Variants in ANO2 observed in about 807,000 individuals in gnomAD.
ANO2 encodes the protein anoctamin 2.
ANO2 carries 101 observed loss-of-function variants against 124.2 expected under a neutral mutation model. That is an observed-to-expected ratio of 0.81 (90% confidence interval 0.69 to 0.96). The LOEUF is 0.96. Ranked by LOEUF, ANO2 falls within the 40% of genes least tolerant of loss-of-function variation. The pLI, the probability that ANO2 is intolerant of heterozygous loss-of-function variation, is 0.00. For missense variants in ANO2, 1,293 were observed against 1,274.5 expected (o/e 1.01, Z -0.22); for synonymous variants, 486 against 482.5 (o/e 1.01, Z -0.09).
intron 20 of ANO2, among the ~76,000 whole-genome samples, chr12:5,594,183 C>G (rs905093709): frequency 1.8e-4 from 27 of 152,198 alleles, no homozygotes; most frequent in Non-Finnish European, 2.9e-5. Flanking sequence ...TCAATATCAA[C>G]TGAATTGTTG....
intron 10 of ANO2, among the ~76,000 whole-genome samples, chr12:5,774,682 C>T (rs1327545601): frequency 6.6e-6 from 1 of 152,164 alleles, no homozygotes; most frequent in Non-Finnish European, 1.5e-5. Context: ...TCTAGGAGAG[C>T]TGCGTCAGGA....
intron 14 of ANO2, among the ~76,000 whole-genome samples, chr12:5,723,108 G>T (rs1950300626): frequency 1.3e-5 from 2 of 152,210 alleles, no homozygotes; most frequent in Middle Eastern, 6.8e-3. Context: ...TTTTTCAAGA[G>T]CCTTTCTTCC....
intron 14 of ANO2, among the ~76,000 whole-genome samples, chr12:5,664,476 T>A (rs1347418581): frequency 1.3e-5 from 2 of 152,240 alleles, no homozygotes; most frequent in Non-Finnish European, 2.9e-5. Context: ...TCTTTACTTA[T>A]CTGATTTCAT....
chr12:5,807,260 G>C lies in ANO2; in HGVS notation c.948+53C>G. 2.7e-6 allele frequency: 4 copies of C among 1,489,592 alleles called. No individual in the cohort carries two copies. In the South Asian group the frequency reaches 3.9e-5, roughly 15 times the overall value. The allele number at this position is 1,489,592 out of a possible 1,614,324, so 92.3% of individuals were successfully genotyped here. ...ATCTCACTGCCACTGAAAAGTTGTGGTTTTCAAAGTTTTGAAGACTACAGA... is the reference window on the plus strand; with the variant it reads ...ATCTCACTGCCACTGAAAAGTTGTGCTTTTCAAAGTTTTGAAGACTACAGA... On this transcript the variant is annotated intron_variant, in intron 8 of 24. Coordinates refer to ENST00000682330, the MANE Select transcript of ANO2 (RefSeq NM_001364791.2).
intron 7 of ANO2, among the ~76,000 whole-genome samples, chr12:5,825,446 T>A (rs1953925742): frequency 6.6e-6 from 1 of 152,176 alleles, no homozygotes; most frequent in Non-Finnish European, 1.5e-5. Flanking sequence ...CCACTCACCA[T>A]CGCCCCTAGT....
intron 14 of ANO2, among the ~76,000 whole-genome samples, chr12:5,669,753 C>T (rs1365159541): frequency 1.3e-5 from 2 of 152,174 alleles, no homozygotes; most frequent in African/African-American, 4.8e-5. Context: ...CATGCACCCT[C>T]AGTACTTGGT....
chr12:5,843,015 T>C lies in ANO2; in HGVS notation c.634-10412A>G, dbSNP rs146448124. Among the ~76,000 whole-genome samples, 36 of 152,276 alleles carry C rather than the reference T, an allele frequency of 2.4e-4. No homozygotes were observed. The East Asian group carries it at 6.8e-3, about 29-fold the overall frequency. On this transcript the variant is annotated intron_variant, in intron 4 of 24. Coordinates refer to ENST00000682330, the MANE Select transcript of ANO2 (RefSeq NM_001364791.2). The stretch of plus-strand genomic sequence containing the variant: ...CTGAAAAGCCCATAAAGGTATTAAA[T>C]ATAAACCCTACCCTCCCAGCTGTCC...
At chr12:5,838,794 T>C (rs1194325836) in intron 4 of ANO2, among the ~76,000 whole-genome samples, 2 of 152,208 alleles carry the variant, frequency 1.3e-5, no homozygotes, top group African/African-American at 4.8e-5. Context: ...AGTTGATTTG[T>C]CTGTCTGCCC....
intron 14 of ANO2, among the ~76,000 whole-genome samples, chr12:5,715,543 C>T (rs951003344): frequency 1.3e-5 from 2 of 152,210 alleles, no homozygotes; most frequent in South Asian, 4.1e-4. Flanking sequence ...CATCTATGCT[C>T]CAGGACATCT....
At chr12:5,854,785 C>T (rs1028039132) in intron 3 of ANO2, among the ~76,000 whole-genome samples, 1 of 152,116 alleles carries the variant, frequency 6.6e-6, no homozygotes, top group Non-Finnish European at 1.5e-5. Flanking sequence ...TCTCTCAAAA[C>T]ATGAAAAATA....
In ANO2 at chr12:5,563,306, T is replaced by G. The variant is rs750090811; in HGVS notation, c.2990A>C (p.Asn997Thr). 1 of 1,598,398 alleles carries G rather than the reference T, an allele frequency of 6.3e-7. No homozygotes were observed. Among genetic ancestry groups the G allele is most frequent in the Non-Finnish European group, 8.5e-7 (1 of 1,176,368 alleles). Reference sequence around the variant, plus strand: ...TGCTGCAGGCTGAACTGCTCACACATTGGTGTGCTGAGAGCCTGACGACAT... The same window carrying G: ...TGCTGCAGGCTGAACTGCTCACACAGTGGTGTGCTGAGAGCCTGACGACAT... The part of the protein sequence containing the change: ...SMMSSGSQHT[N>T]V Residue 997 changes from asparagine (N) to threonine (T), a missense_variant, in exon 25 of 25, where the codon AAT becomes ACT. By Grantham distance (65) the Asn-to-Thr change is moderately conservative. Transcript: ENST00000682330.
At chr12:5,919,785 C>A (rs1195799115) in intron 3 of ANO2, among the ~76,000 whole-genome samples, 2 of 151,922 alleles carry the variant, frequency 1.3e-5, no homozygotes, top group African/African-American at 4.8e-5. Context: ...GCAAGCTCTG[C>A]CTCCCAGGTT....
intron 3 of ANO2, among the ~76,000 whole-genome samples, chr12:5,868,643 A>G (rs1955495014): frequency 6.6e-6 from 1 of 152,056 alleles, no homozygotes; most frequent in South Asian, 2.1e-4. Context: ...TCCTAGAAAA[A>G]GCTGGCTCCT....
intron 3 of ANO2, among the ~76,000 whole-genome samples, chr12:5,889,194 C>T (rs1454233177): frequency 6.6e-6 from 1 of 152,192 alleles, no homozygotes; most frequent in Non-Finnish European, 1.5e-5. Flanking sequence ...GGCCCCCAAG[C>T]GCCACGCGCA....
rs568017484 is a variant in ANO2, at chr12:5,693,366, C to G, written c.1545+39154G>C. The stretch of plus-strand genomic sequence containing the variant: ...TCATGCCTCACACTCACTCCATGAA[C>G]AAATATTGAATGATTTGCCTTTGAA... On this transcript the variant is annotated intron_variant, in intron 14 of 24. Coordinates refer to ENST00000682330, the MANE Select transcript of ANO2 (RefSeq NM_001364791.2). Among the ~76,000 whole-genome samples, 8 of 152,294 alleles carry G rather than the reference C, an allele frequency of 5.3e-5. No individual in the cohort carries two copies. In the South Asian group the frequency reaches 1.7e-3, roughly 32 times the overall value.
intron 14 of ANO2, among the ~76,000 whole-genome samples, chr12:5,668,915 T>A (rs1182673757): frequency 1.3e-5 from 2 of 152,184 alleles, no homozygotes; most frequent in African/African-American, 4.8e-5. Context: ...GTGCCTTTTT[T>A]TGTACCAGCA....
intron 19 of ANO2, among the ~76,000 whole-genome samples, chr12:5,603,989 G>A (rs1351805095): frequency 6.7e-6 from 1 of 148,844 alleles, no homozygotes; most frequent in East Asian, 2.0e-4. Context: ...GGTAAGTCTT[G>A]AAAGGTAGTG....
intron 13 of ANO2, among the ~76,000 whole-genome samples, chr12:5,735,765 C>T (rs922529519): frequency 6.6e-6 from 1 of 152,100 alleles, no homozygotes; most frequent in African/African-American, 2.4e-5. Context: ...GAGCTCGAGA[C>T]AGAATGAAGG....
At chr12:5,748,870 C>CAAAAAA (rs60191649) in intron 11 of ANO2, among the ~76,000 whole-genome samples, 1 of 101,652 alleles carries the variant, frequency 9.8e-6, no homozygotes, top group Non-Finnish European at 1.9e-5. Context: ...CTTCACCCTC[C>CAAAAAA]AAAAAAAAAA....
Sources: allele counts gnomAD v4.1 joint callset (sites outside exome capture counted in the v4.1 genomes callset), GRCh38; gene constraint gnomAD v4.1.1; transcripts MANE v1.5; gene names NCBI Gene and HGNC (gene_info 2026-07-23, HGNC 2026-07-21).